NEMP2: variants seen among roughly 807,000 people sequenced by gnomAD.
NEMP2 encodes the protein UPF0571 transmembrane protein.
Under a neutral mutation model 54.2 loss-of-function variants are expected in NEMP2, and 53 were observed. That is an observed-to-expected ratio of 0.98 (90% CI 0.78 to 1.23). The LOEUF (loss-of-function observed/expected upper bound fraction) is 1.23. Among genes scored for constraint, NEMP2 ranks in the 50% most tolerant of loss-of-function variants. The pLI is 0.00. For synonymous variants in NEMP2, 197 were observed against 190.3 expected (o/e 1.04, Z -0.29); for missense variants, 455 against 511.3 (o/e 0.89, Z 1.06).
chr2:190,593,604 C>G, the NEMP2 span, among the ~76,000 whole-genome samples: 1 of 152,138 alleles, frequency 6.6e-6, no homozygotes, highest in Non-Finnish European at 1.5e-5. This position sits in a 1 kb window ranked among gnomAD's most constrained non-coding sequence, Gnocchi z 4.5. Flanking sequence ...TCCTTTATAA[C>G]CAAATGGCCA....
At chr2:190,564,229 TTTAC>T in the NEMP2 span, among the ~76,000 whole-genome samples, 5 of 152,350 alleles carry the variant, frequency 3.3e-5, no homozygotes, top group East Asian at 1.9e-4. The surrounding 1 kb of genome is among the most constrained non-coding windows in gnomAD (Gnocchi z 4.2). Flanking sequence ...TGAATTTGTG[TTTAC>T]TTATTTATTT....
chr2:190,549,202 C>A, the NEMP2 span, among the ~76,000 whole-genome samples: 1 of 152,170 alleles, frequency 6.6e-6, no homozygotes, highest in Non-Finnish European at 1.5e-5. Flanking sequence ...CAAAGGCTTC[C>A]GCAGACTTGG....
chr2:190,577,811 T>G, the NEMP2 span, among the ~76,000 whole-genome samples: 1 of 152,180 alleles, frequency 6.6e-6, no homozygotes, highest in Non-Finnish European at 1.5e-5. The surrounding 1 kb of genome is among the most constrained non-coding windows in gnomAD (Gnocchi z 4.8). Context: ...AAGTGGAGGT[T>G]GCAGTGACCC....
At chr2:190,482,903 T>TTTTTTTTTTTTTTTTTTTTTTTTC in the NEMP2 span, among the ~76,000 whole-genome samples, 1 of 86,228 alleles carries the variant, frequency 1.2e-5, no homozygotes, top group Admixed American at 1.7e-4. Flanking sequence ...TTTTTTTTTT[T>TTTTTTTTTTTTTTTTTTTTTTTTC]AGACGGAGTC....
chr2:190,451,450 G>C, the NEMP2 span, among the ~76,000 whole-genome samples: 1 of 152,180 alleles, frequency 6.6e-6, no homozygotes, highest in Non-Finnish European at 1.5e-5. The surrounding 1 kb of genome is among the most constrained non-coding windows in gnomAD (Gnocchi z 5.0). Flanking sequence ...ATAATCTAGG[G>C]ATATATGGAA....
the NEMP2 span, chr2:190,469,941 A>C: frequency 2.5e-5 from 23 of 911,634 alleles, no homozygotes; most frequent in Non-Finnish European, 3.8e-5. The surrounding 1 kb of genome is among the most constrained non-coding windows in gnomAD (Gnocchi z 5.3). Flanking sequence ...ATCTGATTCT[A>C]TAAAGGAAGG....
In NEMP2 at chr2:190,530,456, C is replaced by A. The variant is rs927106768; in HGVS notation, c.97+4103G>T. 2.0e-5 allele frequency among the ~76,000 whole-genome samples: 3 copies of A among 152,198 alleles called. No individual in the cohort carries two copies. Among genetic ancestry groups the A allele is most frequent in the African/African-American group, 7.2e-5 (3 of 41,432 alleles). ...CCATAAATTCAGCCATAAGAAGCCA[C>A]AAGCCTAGCTTCAAGTCAGTTCATT... On this transcript the variant is annotated intron_variant, in intron 1 of 8. Transcript: ENST00000409150. The surrounding 1 kb of genome is among the most constrained non-coding windows in gnomAD (Gnocchi z 4.6).
chr2:190,579,933 C>A, the NEMP2 span, among the ~76,000 whole-genome samples: 1 of 152,176 alleles, frequency 6.6e-6, no homozygotes, highest in East Asian at 1.9e-4. Flanking sequence ...TATCCCAGGT[C>A]TCCGTTTGAG....
At chr2:190,475,853 CCAAAACAGAGATATAGACCAATGGAA>C in the NEMP2 span, among the ~76,000 whole-genome samples, 1 of 152,008 alleles carries the variant, frequency 6.6e-6, no homozygotes, top group African/African-American at 2.4e-5. Context: ...GGTACTGGTA[CCAAAACAGAGATATAGACCAATGGAA>C]CAGAACAGAG....
At chr2:190,450,420 G>A in the NEMP2 span, among the ~76,000 whole-genome samples, 8 of 149,314 alleles carry the variant, frequency 5.4e-5, no homozygotes, top group Non-Finnish European at 7.4e-5. Context: ...TTTTTCTGCT[G>A]AAAACATCTT....
the NEMP2 span, among the ~76,000 whole-genome samples, chr2:190,490,509 G>A: frequency 6.6e-6 from 1 of 151,900 alleles, no homozygotes; most frequent in East Asian, 1.9e-4. The surrounding 1 kb of genome is among the most constrained non-coding windows in gnomAD (Gnocchi z 4.5). Context: ...CTTGCAGTGA[G>A]CCGAGATAGC....
the NEMP2 span, chr2:190,444,911 G>GT: frequency 1.2e-6 from 1 of 820,246 alleles, no homozygotes; most frequent in Non-Finnish European, 1.5e-6. Flanking sequence ...CTTTTTCCTT[G>GT]TTTTTGCACT....
the NEMP2 span, chr2:190,497,431 C>T: frequency 3.1e-6 from 5 of 1,608,070 alleles, no homozygotes; most frequent in Non-Finnish European, 1.7e-6. This position sits in a 1 kb window ranked among gnomAD's most constrained non-coding sequence, Gnocchi z 5.2. Flanking sequence ...ACATTCTTTT[C>T]TCTCCAGACA....
At chr2:190,621,291 C>CT in the NEMP2 span, among the ~76,000 whole-genome samples, 1 of 152,196 alleles carries the variant, frequency 6.6e-6, no homozygotes, top group South Asian at 2.1e-4. Context: ...AGGCTACAAA[C>CT]TTGTACAGCA....
chr2:190,535,437 C>A (rs943166048), upstream of NEMP2, among the ~76,000 whole-genome samples: 1 of 152,064 alleles, frequency 6.6e-6, no homozygotes, highest in Non-Finnish European at 1.5e-5. Context: ...AACATATAAC[C>A]TGAATGATCT....
chr2:190,458,889 C>T, the NEMP2 span, among the ~76,000 whole-genome samples: 6 of 152,164 alleles, frequency 3.9e-5, no homozygotes, highest in Non-Finnish European at 5.9e-5. The surrounding 1 kb of genome is among the most constrained non-coding windows in gnomAD (Gnocchi z 5.3). Flanking sequence ...ATAAGGCCTG[C>T]GCCAGAGGTC....
the NEMP2 span, among the ~76,000 whole-genome samples, chr2:190,559,154 A>G: frequency 2.0e-5 from 3 of 152,212 alleles, no homozygotes; most frequent in Non-Finnish European, 4.4e-5. This position sits in a 1 kb window ranked among gnomAD's most constrained non-coding sequence, Gnocchi z 4.0. Context: ...GCTAAAATCC[A>G]CTGGAATTGG....
the NEMP2 span, among the ~76,000 whole-genome samples, chr2:190,458,691 G>A: frequency 6.6e-6 from 1 of 152,186 alleles, no homozygotes; most frequent in Admixed American, 6.5e-5. The surrounding 1 kb of genome is among the most constrained non-coding windows in gnomAD (Gnocchi z 5.3). Flanking sequence ...GAGGTCACTT[G>A]AGACTCTTTC....
At chr2:190,490,200 G>A in the NEMP2 span, among the ~76,000 whole-genome samples, 1 of 151,720 alleles carries the variant, frequency 6.6e-6, no homozygotes, top group South Asian at 2.1e-4. The surrounding 1 kb of genome is among the most constrained non-coding windows in gnomAD (Gnocchi z 4.5). Context: ...AGGCTATACA[G>A]TCATTTTGCT....
Sources: gnomAD v4.1 joint callset for allele counts (sites outside exome capture counted in the v4.1 genomes callset) on GRCh38, gnomAD v4.1.1 for gene constraint, Gnocchi (gnomAD v3.1) non-coding constraint, MANE v1.5 for transcripts, NCBI Gene and HGNC (gene_info 2026-07-23, HGNC 2026-07-21) for gene names.